Variants in CNOT9 observed in about 807,000 individuals in gnomAD.
CNOT9 encodes RCD1 required for cell differentiation1 homolog.
Under a neutral mutation model 37.4 loss-of-function variants are expected in CNOT9, and 8 were observed. The observed-to-expected ratio is 0.21, with a 90% CI of 0.13 to 0.39. The LOEUF is 0.39. CNOT9 is among the 10% of genes least tolerant of loss of function. The pLI is 1.00. For synonymous variants in CNOT9, 120 were observed against 137.6 expected (o/e 0.87, Z 0.90); for missense variants, 154 against 365.3 (o/e 0.42, Z 4.71).
At chr2:218,586,208 G>T (rs1348354547) in intron 4 of CNOT9, among the ~76,000 whole-genome samples, 1 of 152,064 alleles carries the variant, frequency 6.6e-6, no homozygotes, top group Non-Finnish European at 1.5e-5. Context: ...CAGGCTGACT[G>T]CTATGGACTG....
At chr2:218,575,685 G>A (rs1471790949) in intron 1 of CNOT9, among the ~76,000 whole-genome samples, 2 of 152,132 alleles carry the variant, frequency 1.3e-5, no homozygotes, top group African/African-American at 2.4e-5. Context: ...TTACAGGCGT[G>A]AGCCACCGTG....
chr2:218,575,757 G>A (rs1355996455), intron 1 of CNOT9, among the ~76,000 whole-genome samples: 2 of 152,040 alleles, frequency 1.3e-5, no homozygotes, highest in African/African-American at 4.8e-5. Flanking sequence ...CTGCTCTCTT[G>A]GTTGGTATCC....
At chr2:218,586,304 T>C (rs1694596075) in intron 4 of CNOT9, among the ~76,000 whole-genome samples, 1 of 152,010 alleles carries the variant, frequency 6.6e-6, no homozygotes, top group African/African-American at 2.4e-5. Flanking sequence ...GAAAGATAAT[T>C]AGGTTTAGAT....
intron 4 of CNOT9, among the ~76,000 whole-genome samples, chr2:218,586,822 GAC>G (rs1296070145): frequency 1.3e-5 from 2 of 152,108 alleles, no homozygotes; most frequent in African/African-American, 2.4e-5. Flanking sequence ...AGAACTATGA[GAC>G]AATAAATTTC....
At position 218,587,571 on chromosome 2, in the gene CNOT9, C is replaced by A; in HGVS notation, c.431-15C>A. 4 of 1,564,634 alleles carry A rather than the reference C, an allele frequency of 2.6e-6. No individual in the cohort carries two copies. The highest frequency in any genetic ancestry group is 1.2e-5 in the South Asian group (1 of 82,296). On this transcript the variant is annotated splice_polypyrimidine_tract_variant and intron_variant, in intron 4 of 7. Transcript: ENST00000273064. ...CTAACTGTAAAATAATTTTGTTTGT[C>A]CTTATTTTCTTTAGGGGCCCTGGTG...
chr2:218,586,503 T>G (rs986382613), intron 4 of CNOT9, among the ~76,000 whole-genome samples: 12 of 151,990 alleles, frequency 7.9e-5, no homozygotes, highest in Admixed American at 2.0e-4. Context: ...TTTTTTTTTT[T>G]TGTGAGACAG....
Position 218,592,270 on chromosome 2 carries a change from AC to A in CNOT9, c.541-33del. On this transcript the variant is annotated intron_variant, in intron 5 of 7. Transcript: ENST00000273064. The surrounding 1 kb of genome is among the most constrained non-coding windows in gnomAD (Gnocchi z 4.1). ...AAAATGAGAAGATTAAATCTGAGCAACTTTATAAACTCTTCGATTTTGTTTT... is the reference window on the plus strand; with the variant it reads ...AAAATGAGAAGATTAAATCTGAGCAATTTATAAACTCTTCGATTTTGTTTT... 1 of 1,498,686 alleles carries A rather than the reference AC, an allele frequency of 6.7e-7. No homozygotes were observed. Among genetic ancestry groups the A allele is most frequent in the Non-Finnish European group, 9.3e-7 (1 of 1,080,542 alleles). The allele number at this position is 1,498,686 out of a possible 1,614,324, so 92.8% of individuals were successfully genotyped here.
intron 1 of CNOT9, among the ~76,000 whole-genome samples, chr2:218,577,702 C>T (rs3755040): frequency 0.057 from 8,655 of 152,176 alleles, 365 homozygotes; most frequent in East Asian, 0.12. Context: ...CCAGTGGTTA[C>T]CAGGGCAAGA....
Position 218,594,364 on chromosome 2 carries a change from T to A in CNOT9, c.*88T>A. 7.1e-7 allele frequency: 1 copy of A among 1,399,930 alleles called. No individual in the cohort carries two copies. Among genetic ancestry groups the A allele is most frequent in the East Asian group, 2.5e-5 (1 of 40,212 alleles). The allele number at this position is 1,399,930 out of a possible 1,614,324, so 86.7% of individuals were successfully genotyped here. A position where few individuals can be genotyped will look rare whatever the true frequency, so the allele number is the denominator to read the frequency against. On this transcript the variant is annotated 3_prime_UTR_variant, in exon 8 of 8. Coordinates refer to ENST00000273064, the MANE Select transcript of CNOT9 (RefSeq NM_005444.3). ...AAACAGCTCAGGTTTTATCACCGACTGGGAATAGACAACCTCAATGCTGAA... is the reference window on the plus strand; with the variant it reads ...AAACAGCTCAGGTTTTATCACCGACAGGGAATAGACAACCTCAATGCTGAA...
chr2:218,583,663 T>C (rs1189881833), intron 3 of CNOT9, among the ~76,000 whole-genome samples: 2 of 152,328 alleles, frequency 1.3e-5, no homozygotes, highest in South Asian at 2.1e-4. Context: ...AGGCACTTAA[T>C]AGTCATCTTA....
chr2:218,569,643 G>C (rs573812079), intron 1 of CNOT9, among the ~76,000 whole-genome samples: 1 of 152,102 alleles, frequency 6.6e-6, no homozygotes, highest in Non-Finnish European at 1.5e-5. Flanking sequence ...CTTAACCCAC[G>C]TTTATAATCT....
chr2:218,584,643 T>C lies in CNOT9; in HGVS notation c.352T>C (p.Phe118Leu). The change falls in exon 4 of 8, where the codon TTT becomes CTT. Residue 118 changes from phenylalanine to leucine, a missense_variant. By Grantham distance (22) the Phe-to-Leu change is conservative (BLOSUM62 0). This residue lies in a region of CNOT9 where 117 missense variants were observed against 325.4 expected (regional missense o/e 0.36). Coordinates refer to ENST00000273064, the MANE Select transcript of CNOT9 (RefSeq NM_005444.3). ...GTTTCTCGCAGCACACATCCCACTT[T>C]TTTTGTACCCCTTTTTGCACACTGT... ...SAFLAAHIPL[F>L]LYPFLHTVSK... The C allele has an allele frequency of 6.2e-7, 1 of 1,614,086 alleles. No homozygotes were observed. The highest frequency in any genetic ancestry group is 8.5e-7 in the Non-Finnish European group (1 of 1,179,922).
At chr2:218,578,337 T>C (rs190844895) in intron 1 of CNOT9, among the ~76,000 whole-genome samples, 7 of 152,350 alleles carry the variant, frequency 4.6e-5, no homozygotes, top group African/African-American at 1.4e-4. Flanking sequence ...AAACTTACAA[T>C]GAAGCTTCCA....
chr2:218,593,474 A>G, intron 7 of CNOT9: 1 of 1,151,486 alleles, frequency 8.7e-7, no homozygotes, highest in Non-Finnish European at 1.2e-6. Flanking sequence ...GAGTGCAAAA[A>G]CTATAACTTT....
intron 5 of CNOT9, among the ~76,000 whole-genome samples, chr2:218,588,588 C>CTTTTTTTTTTTTTTTTTTT (rs1172484260): frequency 9.0e-5 from 3 of 33,452 alleles, no homozygotes; most frequent in East Asian, 1.2e-3. Context: ...TCCACCCGGC[C>CTTTTTTTTTTTTTTTTTTT]TTTTTTTTTT....
rs1040700106 is a variant in CNOT9, at chr2:218,596,472, G to A, written c.*2196G>A. On this transcript the variant is annotated 3_prime_UTR_variant, in exon 8 of 8. Coordinates refer to ENST00000273064, the MANE Select transcript of CNOT9 (RefSeq NM_005444.3). ...TGGAGATTTTATTCTATCAGTATAT[G>A]GGTAACTAGGCACTTTGGTCAGGTG... 2.6e-5 allele frequency: 4 copies of A among 152,140 alleles called. No individual in the cohort carries two copies. Among genetic ancestry groups the A allele is most frequent in the African/African-American group, 9.7e-5 (4 of 41,408 alleles). 9.4% of individuals were successfully genotyped at this position (152,140 alleles called of 1,614,324 possible). A position where few individuals can be genotyped will look rare whatever the true frequency, so the allele number is the denominator to read the frequency against.
At chr2:218,591,123 T>C (rs931188849) in intron 5 of CNOT9, among the ~76,000 whole-genome samples, 4 of 152,170 alleles carry the variant, frequency 2.6e-5, no homozygotes, top group Admixed American at 2.6e-4. Flanking sequence ...TAAGGTAACA[T>C]TTGCAGAGTT....
rs751231644 is a variant in CNOT9, at chr2:218,594,135, C to T, written c.759C>T (p.Leu253=). The T allele has an allele frequency of 6.2e-7, 1 of 1,614,192 alleles. No individual in the cohort carries two copies. Among genetic ancestry groups the T allele is most frequent in the Non-Finnish European group, 8.5e-7 (1 of 1,180,026 alleles). The part of the protein sequence containing the change: ...PRAREALRQC[L]PDQLKDTTFA... ...CACGTGAAGCACTCAGACAGTGCCT[C>T]CCTGACCAGCTGAAAGACACAACCT... Residue 253 remains leucine, a synonymous_variant, in exon 8 of 8, where the codon CTC becomes CTT. Coordinates refer to ENST00000273064, the MANE Select transcript of CNOT9 (RefSeq NM_005444.3).
chr2:218,578,379 A>G (rs980520801), intron 1 of CNOT9, among the ~76,000 whole-genome samples: 3 of 152,254 alleles, frequency 2.0e-5, no homozygotes, highest in Non-Finnish European at 4.4e-5. Context: ...GATTGGGTAG[A>G]GTAAATTTGA....
Sources: allele counts gnomAD v4.1 joint callset (sites outside exome capture counted in the v4.1 genomes callset), GRCh38; gene constraint gnomAD v4.1.1; regional missense constraint gnomAD v4.1.1; non-coding constraint Gnocchi (gnomAD v3.1); transcripts MANE v1.5; gene names NCBI Gene and HGNC (gene_info 2026-07-23, HGNC 2026-07-21).